ASXL2: variants seen among roughly 807,000 people sequenced by gnomAD.
ASXL2 encodes ASXL transcriptional regulator 2.
Under a neutral mutation model 122.0 loss-of-function variants are expected in ASXL2, and 23 were observed. That is an observed-to-expected ratio of 0.19 (90% CI 0.14 to 0.27). The LOEUF is 0.27. Ranked by LOEUF, ASXL2 falls within the 10% of genes least tolerant of loss-of-function variation. The pLI is 1.00. For missense variants in ASXL2, 1,518 were observed against 1,713.8 expected (o/e 0.89, Z 2.02); for synonymous variants, 650 against 637.0 (o/e 1.02, Z -0.31).
chr2:25,863,838 T>C (rs554632361), intron 1 of ASXL2, among the ~76,000 whole-genome samples: 1 of 151,746 alleles, frequency 6.6e-6, no homozygotes, highest in Non-Finnish European at 1.5e-5. Flanking sequence ...AAACTCCATC[T>C]CTACTAAAAG....
intron 3 of ASXL2, among the ~76,000 whole-genome samples, chr2:25,826,838 TATTTATTTGTTC>T (rs968749484): frequency 4.6e-5 from 7 of 151,702 alleles, no homozygotes; most frequent in African/African-American, 2.4e-5. Flanking sequence ...GATTTTATTT[TATTTATTTGTTC>T]ATTTATTTAG....
At chr2:25,788,124 T>A (rs1471142576) in intron 5 of ASXL2, among the ~76,000 whole-genome samples, 1 of 151,966 alleles carries the variant, frequency 6.6e-6, no homozygotes, top group Non-Finnish European at 1.5e-5. Flanking sequence ...ATGAAAGAAG[T>A]CTTCAAAAAA....
At chr2:25,768,354 A>G (rs187168768) in intron 7 of ASXL2, among the ~76,000 whole-genome samples, 12 of 152,228 alleles carry the variant, frequency 7.9e-5, no homozygotes, top group African/African-American at 2.9e-4. Context: ...TTCAGGCTGC[A>G]GTGCAGTGGT....
At chr2:25,762,665 G>GAAAAAAAAAAAAAAAAAAAAAAAAAAA (rs60065368) in intron 8 of ASXL2, among the ~76,000 whole-genome samples, 1 of 34,266 alleles carries the variant, frequency 2.9e-5, no homozygotes, top group East Asian at 8.5e-4. Flanking sequence ...ACTCTTTCTC[G>GAAAAAAAAAAAAAAAAAAAAAAAAAAA]AAAAAAAAAA....
At chr2:25,793,799 C>T (rs927288338) in intron 5 of ASXL2, among the ~76,000 whole-genome samples, 2 of 152,138 alleles carry the variant, frequency 1.3e-5, no homozygotes, top group African/African-American at 2.4e-5. Flanking sequence ...CCAAACTAGG[C>T]AGGCGGTGTT....
intron 1 of ASXL2, among the ~76,000 whole-genome samples, chr2:25,865,459 T>C (rs1043651586): frequency 2.0e-5 from 3 of 148,406 alleles, no homozygotes; most frequent in African/African-American, 5.0e-5. Context: ...AAAAATGTTA[T>C]AAAAATTTTT....
intron 2 of ASXL2, among the ~76,000 whole-genome samples, chr2:25,845,030 T>C (rs1051445757): frequency 2.0e-5 from 3 of 152,232 alleles, no homozygotes; most frequent in Admixed American, 1.3e-4. Context: ...TTGAACATGT[T>C]AAGACTATTA....
rs1451163174 is a variant in ASXL2 at position 25,759,503 on chromosome 2, T to C, written c.918A>G (p.Leu306=). 1.9e-6 allele frequency: 3 copies of C among 1,613,672 alleles called. No homozygotes were observed. The highest frequency in any genetic ancestry group is 2.5e-6 in the Non-Finnish European group (3 of 1,179,754). Residue 306 remains leucine, a synonymous_variant, in exon 9 of 13, where the codon CTA becomes CTG. Transcript: ENST00000435504. ...GCACCTGTCGATCTACCTCTGGGAG[T>C]AGTAAAAGCAGTCGTTGCTGGCAAT... ...PGDCQQRLLL[L]LPEVDRQVGP... is the part of the protein sequence containing the mutation.
chr2:25,769,665 T>TA (rs60243403), intron 6 of ASXL2, among the ~76,000 whole-genome samples: 1,507 of 141,402 alleles, frequency 0.011, 15 homozygotes, highest in African/African-American at 0.029. Context: ...AGGTTTTCTT[T>TA]AAAAAAAAAA....
intron 5 of ASXL2, among the ~76,000 whole-genome samples, chr2:25,781,397 CAAAAA>C (rs2088634771): frequency 6.6e-6 from 1 of 151,234 alleles, no homozygotes; most frequent in Non-Finnish European, 1.5e-5. Context: ...AAAACTGTCT[CAAAAA>C]GAAAAGAAAA....
Position 25,771,357 on chromosome 2 carries a change from C to CA in ASXL2, c.504+82dup, listed in dbSNP as rs1033221264. 3.1e-4 allele frequency: 409 copies of CA among 1,306,724 alleles called. 4 individuals carry two copies. The highest frequency in any genetic ancestry group is 5.1e-4 in the Admixed American group (18 of 35,212). 80.9% of individuals were successfully genotyped at this position (1,306,724 alleles called of 1,614,324 possible). On this transcript the variant is annotated intron_variant, in intron 6 of 12. Transcript: ENST00000435504. ...GCAAGGGCCCAATGTAAAAAATTTT[C>CA]AAAAAATATCCGATGACTGCCAGAG...
At chr2:25,795,494 T>C (rs762007704) in intron 5 of ASXL2, among the ~76,000 whole-genome samples, 1 of 152,186 alleles carries the variant, frequency 6.6e-6, no homozygotes, top group Non-Finnish European at 1.5e-5. Context: ...AGACAGCCAT[T>C]AATAACCGTT....
In ASXL2 at chr2:25,759,487, G is replaced by C. The variant is rs2149146319; in HGVS notation, c.934C>G (p.Arg312Gly). ...TAAGGAGTTCAATGACGCACCTGTC[G>C]ATCTACCTCTGGGAGTAGTAAAAGC... ...RLLLLLPEVDRQVGPDGLMKL... is the reference protein window; with the variant it reads ...RLLLLLPEVDGQVGPDGLMKL... Residue 312 changes from arginine to glycine, a missense_variant, in exon 9 of 13, where the codon CGA (arginine) becomes GGA (glycine). By Grantham distance (125) the Arg-to-Gly change is moderately radical. Around this residue, in one of 8 missense-constraint regions of ASXL2, gnomAD observed 92 missense variants for 156.6 expected, o/e 0.59. Coordinates refer to ENST00000435504, the MANE Select transcript of ASXL2 (RefSeq NM_018263.6). The C allele has an allele frequency of 6.2e-7, 1 of 1,613,238 alleles. No homozygotes were observed.
chr2:25,856,810 G>C (rs1173114316), intron 1 of ASXL2: 32 of 1,152,876 alleles, frequency 2.8e-5, no homozygotes, highest in Non-Finnish European at 4.0e-5. Context: ...GTGACTGTCA[G>C]GTCATCCCCC....
At chr2:25,784,096 A>AATAAATAT (rs1559510298) in intron 5 of ASXL2, among the ~76,000 whole-genome samples, 2 of 137,192 alleles carry the variant, frequency 1.5e-5, no homozygotes, top group African/African-American at 5.4e-5. Flanking sequence ...TAAATAAATA[A>AATAAATAT]ATATAAAGTT....
intron 1 of ASXL2, among the ~76,000 whole-genome samples, chr2:25,862,020 TTAA>T (rs1430083111): frequency 6.6e-6 from 1 of 152,228 alleles, no homozygotes; most frequent in African/African-American, 2.4e-5. Flanking sequence ...TCCAGCTAAT[TTAA>T]TGTCATATTA....
At position 25,842,345 on chromosome 2, in the gene ASXL2, T is replaced by G. The variant is rs563159654; in HGVS notation, c.140+3136A>C. On this transcript the variant is annotated intron_variant, in intron 2 of 12. Coordinates refer to ENST00000435504, the MANE Select transcript of ASXL2 (RefSeq NM_018263.6). Reference sequence around the variant, plus strand: ...GTAACTGCATTACCACAATATAGTTTAACCAGGAAAAGCTACTTTCAATTG... The same window carrying G: ...GTAACTGCATTACCACAATATAGTTGAACCAGGAAAAGCTACTTTCAATTG... 7.9e-5 allele frequency among the ~76,000 whole-genome samples: 12 copies of G among 152,308 alleles called. 1 individual carries two copies. The South Asian group carries it at 2.5e-3, about 32-fold the overall frequency.
intron 2 of ASXL2, among the ~76,000 whole-genome samples, chr2:25,843,408 G>A (rs570710100): frequency 9.9e-5 from 15 of 152,028 alleles, no homozygotes; most frequent in African/African-American, 3.6e-4. Context: ...CAAAGTGCTG[G>A]GATTACAGGC....
intron 9 of ASXL2, among the ~76,000 whole-genome samples, chr2:25,757,382 T>C (rs1208769812): frequency 2.0e-5 from 3 of 150,714 alleles, no homozygotes; most frequent in South Asian, 4.2e-4. Context: ...CTCACATCTG[T>C]AATCCCAGCA....
Sources: allele counts gnomAD v4.1 joint callset (sites outside exome capture counted in the v4.1 genomes callset), GRCh38; gene constraint gnomAD v4.1.1; regional missense constraint gnomAD v4.1.1; transcripts MANE v1.5; gene names NCBI Gene and HGNC (gene_info 2026-07-23, HGNC 2026-07-21).